Variants in DLG2 observed in about 807,000 individuals in gnomAD.
The protein encoded by DLG2 is disks large homolog 2.
Under a neutral mutation model 132.5 loss-of-function variants are expected in DLG2, and 45 were observed. The observed-to-expected ratio is 0.34, with a 90% CI of 0.27 to 0.44. The LOEUF (loss-of-function observed/expected upper bound fraction) is 0.44. DLG2 is among the 20% of genes least tolerant of loss of function. The probability of loss-of-function intolerance (pLI) is 1.00; values close to 1 mark genes in which losing one functional copy is unlikely to be tolerated. For synonymous variants in DLG2, 424 were observed against 419.6 expected (o/e 1.01, Z -0.13); for missense variants, 1,045 against 1,196.9 (o/e 0.87, Z 1.87).
At chr11:84,891,442 G>A (rs2089374426) in intron 6 of DLG2, among the ~76,000 whole-genome samples, 1 of 151,978 alleles carries the variant, frequency 6.6e-6, no homozygotes, top group South Asian at 2.1e-4. Flanking sequence ...TATATACAAA[G>A]TAATGGTAAA....
chr11:84,367,972 T>C (rs1334397522), intron 7 of DLG2, among the ~76,000 whole-genome samples: 1 of 152,172 alleles, frequency 6.6e-6, no homozygotes, highest in Non-Finnish European at 1.5e-5. Context: ...TCTTTATTTA[T>C]ACTTACCCTG....
intron 15 of DLG2, among the ~76,000 whole-genome samples, chr11:83,908,870 A>G (rs4468371): frequency 0.3 from 46,015 of 151,982 alleles, 7,198 homozygotes; most frequent in East Asian, 0.52. Context: ...AGTAGCTAGG[A>G]CTATAGGCCT....
chr11:83,519,851 C>G (rs947994967), intron 21 of DLG2, among the ~76,000 whole-genome samples: 1 of 152,194 alleles, frequency 6.6e-6, no homozygotes, highest in Non-Finnish European at 1.5e-5. Context: ...AGATTCATAT[C>G]TGTCTTTTTC....
intron 3 of DLG2, among the ~76,000 whole-genome samples, chr11:85,523,653 C>T (rs941022463): frequency 2.6e-5 from 4 of 152,096 alleles, no homozygotes; most frequent in African/African-American, 9.7e-5. Context: ...AGTAGAATCA[C>T]CATGGAGAGC....
chr11:84,370,497 G>A (rs935558075), intron 7 of DLG2, among the ~76,000 whole-genome samples: 3 of 152,106 alleles, frequency 2.0e-5, no homozygotes, highest in Non-Finnish European at 4.4e-5. Context: ...AATGATTTTA[G>A]AAATCACTTA....
At chr11:85,410,896 C>T (rs185086934) in intron 3 of DLG2, among the ~76,000 whole-genome samples, 4 of 151,900 alleles carry the variant, frequency 2.6e-5, no homozygotes, top group Admixed American at 6.6e-5. Flanking sequence ...GGTCGATGCT[C>T]ATTATTGTCA....
At chr11:85,413,711 T>C (rs757650700) in intron 3 of DLG2, among the ~76,000 whole-genome samples, 7 of 151,784 alleles carry the variant, frequency 4.6e-5, no homozygotes, top group Admixed American at 1.3e-4. Flanking sequence ...ATCAGTTAGC[T>C]GTATTTCGGT....
At chr11:83,807,505 A>C (rs575476684) in intron 17 of DLG2, among the ~76,000 whole-genome samples, 1 of 152,288 alleles carries the variant, frequency 6.6e-6, no homozygotes, top group African/African-American at 2.4e-5. Context: ...AGTAGATAAA[A>C]ACATCAAGAA....
At chr11:85,170,992 A>G (rs1337173823) in intron 4 of DLG2, among the ~76,000 whole-genome samples, 1 of 152,204 alleles carries the variant, frequency 6.6e-6, no homozygotes, top group Non-Finnish European at 1.5e-5. Flanking sequence ...AATGTCAACA[A>G]ATACACGTAG....
intron 7 of DLG2, chr11:84,317,461 C>T: frequency 1.2e-6 from 1 of 851,836 alleles, no homozygotes; most frequent in Non-Finnish European, 1.5e-6. Context: ...CACTGTGTTA[C>T]AAACCCTTTT....
At chr11:84,197,113 T>A (rs1249782711) in intron 8 of DLG2, among the ~76,000 whole-genome samples, 1 of 149,780 alleles carries the variant, frequency 6.7e-6, no homozygotes, top group Non-Finnish European at 1.5e-5. Flanking sequence ...CATTCCAATA[T>A]CTTTTTTAAA....
intron 6 of DLG2, among the ~76,000 whole-genome samples, chr11:84,926,553 T>C (rs1181114863): frequency 2.6e-5 from 4 of 152,074 alleles, no homozygotes. Flanking sequence ...GCTATTTGTA[T>C]TTGTATATTT....
intron 18 of DLG2, among the ~76,000 whole-genome samples, chr11:83,723,139 G>C (rs61900024): frequency 0.011 from 1,656 of 152,254 alleles, 22 homozygotes; most frequent in South Asian, 0.028. Flanking sequence ...CCAGCACTTT[G>C]GGAGGCCGAG....
chr11:84,429,262 T>C (rs1432958080), intron 7 of DLG2, among the ~76,000 whole-genome samples: 1 of 152,184 alleles, frequency 6.6e-6, no homozygotes, highest in Non-Finnish European at 1.5e-5. Context: ...TGAGTACAAA[T>C]CTTTCCCTTT....
chr11:84,358,339 C>G (rs952438983), intron 7 of DLG2, among the ~76,000 whole-genome samples: 2 of 147,406 alleles, frequency 1.4e-5, no homozygotes, highest in South Asian at 2.2e-4. Flanking sequence ...TAACTTCTGT[C>G]TTCATCAAAC....
In DLG2 at chr11:85,352,263, T is replaced by C. The variant is rs191704292; in HGVS notation, c.41-66898A>G. On this transcript the variant is annotated intron_variant, in intron 3 of 27. Transcript: ENST00000376104. Reference sequence around the variant, plus strand: ...GTGGGATTGGTGGTGATATCCCCTTTATCATTTTTTATTGCGTCTATTTGA... The same window carrying C: ...GTGGGATTGGTGGTGATATCCCCTTCATCATTTTTTATTGCGTCTATTTGA... 2.9e-4 allele frequency among the ~76,000 whole-genome samples: 44 copies of C among 152,342 alleles called. No homozygotes were observed. The East Asian group carries it at 6.6e-3, about 23-fold the overall frequency.
At chr11:84,950,570 C>T (rs573600911) in intron 6 of DLG2, among the ~76,000 whole-genome samples, 14 of 152,038 alleles carry the variant, frequency 9.2e-5, no homozygotes, top group Non-Finnish European at 1.9e-4. Flanking sequence ...TTATTGAGCT[C>T]CTAAAAATGC....
intron 10 of DLG2, among the ~76,000 whole-genome samples, chr11:84,060,237 C>T (rs1460522331): frequency 3.3e-5 from 5 of 151,958 alleles, no homozygotes; most frequent in Non-Finnish European, 5.9e-5. Flanking sequence ...GCTTGAATCC[C>T]GAGGGTGGAG....
chr11:85,443,343 T>C (rs749940682), intron 3 of DLG2, among the ~76,000 whole-genome samples: 1 of 152,216 alleles, frequency 6.6e-6, no homozygotes, highest in Admixed American at 6.5e-5. Flanking sequence ...ACTTGTTACA[T>C]TGAACATAGA....
Sources: allele counts gnomAD v4.1 joint callset (sites outside exome capture counted in the v4.1 genomes callset), GRCh38; gene constraint gnomAD v4.1.1; transcripts MANE v1.5; gene names NCBI Gene and HGNC (gene_info 2026-07-23, HGNC 2026-07-21).